SRSF10: variants seen among roughly 807,000 people sequenced by gnomAD.
The protein encoded by SRSF10 is serine/arginine-rich splicing factor 10.
A neutral mutation model predicts 32.6 loss-of-function variants in SRSF10; 9 were observed. The ratio of observed to expected loss-of-function variants is 0.28; its 90% confidence interval spans 0.17 to 0.48. SRSF10 has a LOEUF of 0.48. Ranked by LOEUF, SRSF10 falls within the 20% of genes least tolerant of loss-of-function variation. The probability of loss-of-function intolerance (pLI) is 0.99; values close to 1 mark genes in which losing one functional copy is unlikely to be tolerated. For missense variants in SRSF10, 201 were observed against 331.8 expected, an observed-to-expected ratio of 0.61 and a Z score of 3.06; for synonymous variants, 105 against 112.4, an observed-to-expected ratio of 0.93 and a Z score of 0.42.
chr1:23,979,226 T>C (rs558803175), intron 1 of SRSF10, among the ~76,000 whole-genome samples: 60 of 152,270 alleles, frequency 3.9e-4, no homozygotes, highest in African/African-American at 1.4e-3. Flanking sequence ...TAGTTAAGTG[T>C]CAAGATGACG....
At chr1:23,972,119 A>C in intron 3 of SRSF10, 107 bp from the exon 4 acceptor site, 2 of 984,714 alleles carry the variant, frequency 2.0e-6, no homozygotes, top group Non-Finnish European at 2.8e-6. Flanking sequence ...TCCCAAAGAG[A>C]GTATGTATGA....
At chr1:23,974,282 A>G (rs1641950143) in intron 3 of SRSF10, among the ~76,000 whole-genome samples, 8 of 152,126 alleles carry the variant, frequency 5.3e-5, no homozygotes, top group Non-Finnish European at 1.5e-5. Context: ...TAATCTCTTA[A>G]TTAGTATCTT....
Position 23,967,828 on chromosome 1 carries a change from T to C in SRSF10, c.*3314A>G, listed in dbSNP as rs1166499838. 1.9e-6 allele frequency: 3 copies of C among 1,566,526 alleles called. No homozygotes were observed. Among genetic ancestry groups the C allele is most frequent in the Non-Finnish European group, 1.7e-6 (2 of 1,152,436 alleles). On this transcript the variant is annotated 3_prime_UTR_variant, in exon 6 of 6. Coordinates refer to ENST00000492112, the MANE Select transcript of SRSF10 (RefSeq NM_054016.4). ...GGATGTAGCAGCTTACTGGGCCAAA[T>C]TTTCAAGAGAATAATACAATAGTTC...
intron 2 of SRSF10, 92 bp downstream of exon 2, chr1:23,978,621 A>G: frequency 6.9e-7 from 1 of 1,442,128 alleles, no homozygotes; most frequent in Non-Finnish European, 9.2e-7. Context: ...TTAGAGGACA[A>G]AAAGAACTAC....
At chr1:23,975,921 T>C (rs960372380) in intron 2 of SRSF10, 29 of 152,346 alleles carry the variant, frequency 1.9e-4, no homozygotes, top group African/African-American at 6.7e-4. Context: ...CTACTGGTAC[T>C]TGTTTTTGAT....
intron 2 of SRSF10, 140 bp downstream of exon 2, chr1:23,978,573 T>G (rs1642223230): frequency 9.1e-7 from 1 of 1,101,926 alleles, no homozygotes; most frequent in Non-Finnish European, 1.2e-6. Context: ...AATGTGTGAG[T>G]CAGAATTAAT....
Position 23,971,181 on chromosome 1 carries a change from T to C in SRSF10, c.750A>G (p.Arg250=). The change falls in exon 6 of 6, where the codon AGA becomes AGG. Residue 250 remains arginine, a synonymous_variant. Transcript: ENST00000492112. The part of the protein sequence containing the change: ...RSQSRSRSKS[R]SRSWTSPKSS... ...ACTTAGGACTAGTCCAAGACCTTGA[T>C]CTAGATTTTGACCTAGACCTAGACT... is the stretch of plus-strand genomic sequence containing the variant. 1.2e-6 allele frequency: 2 copies of C among 1,613,784 alleles called. No homozygotes were observed. Among genetic ancestry groups the C allele is most frequent in the East Asian group, 2.2e-5 (1 of 44,880 alleles).
In SRSF10 at chr1:23,964,738, A is replaced by T. The variant is rs935193834; in HGVS notation, c.*6404T>A. 14 of 152,116 alleles carry T rather than the reference A, an allele frequency of 9.2e-5. No individual in the cohort carries two copies. The highest frequency in any genetic ancestry group is 3.4e-3 in the Middle Eastern group (1 of 294). The allele number at this position is 152,116 out of a possible 1,614,324, so 9.4% of individuals were successfully genotyped here. ...AGTGCATCTCTAAAACCTCTTACAC[A>T]AATTAGGAAAAAGTTGTACCCAGGT... On this transcript the variant is annotated 3_prime_UTR_variant, in exon 6 of 6. Coordinates refer to ENST00000492112, the MANE Select transcript of SRSF10 (RefSeq NM_054016.4).
Position 23,965,615 on chromosome 1 carries a change from G to GT in SRSF10, c.*5526dup, listed in dbSNP as rs1160934603. 6.6e-6 allele frequency: 1 copy of GT among 151,952 alleles called. No homozygotes were observed. The highest frequency in any genetic ancestry group is 1.5e-5 in the Non-Finnish European group (1 of 67,846). The allele number at this position is 151,952 out of a possible 1,614,324, so 9.4% of individuals were successfully genotyped here. On this transcript the variant is annotated 3_prime_UTR_variant, in exon 6 of 6. Transcript: ENST00000492112. Reference sequence around the variant, plus strand: ...TTTGAAAAGCACATGGTTCGGCACAGTAAGTGCTCAATAATATTGACAGCA... The same window carrying GT: ...TTTGAAAAGCACATGGTTCGGCACAGTTAAGTGCTCAATAATATTGACAGCA...
Position 23,969,323 on chromosome 1 carries a change from T to C in SRSF10, c.*1819A>G. 1 of 985,180 alleles carries C rather than the reference T, an allele frequency of 1.0e-6. No homozygotes were observed. The highest frequency in any genetic ancestry group is 1.2e-6 in the Non-Finnish European group (1 of 829,310). The allele number at this position is 985,180 out of a possible 1,614,324, so 61.0% of individuals were successfully genotyped here. On this transcript the variant is annotated 3_prime_UTR_variant, in exon 6 of 6. Transcript: ENST00000492112. The stretch of plus-strand genomic sequence containing the variant: ...GCTACAGTTTTAAATAGACTTTTTG[T>C]TGTTTAAACTATACATCCAGGAAAA...
chr1:23,971,533 T>TA (rs1641751857), intron 5 of SRSF10, 40 bp downstream of exon 5: 2 of 1,596,836 alleles, frequency 1.3e-6, no homozygotes, highest in African/African-American at 1.4e-5. Flanking sequence ...ACTCTGAAAT[T>TA]AAAAAATACA....
chr1:23,972,431 C>CT (rs202083801), intron 3 of SRSF10, among the ~76,000 whole-genome samples: 75,872 of 148,012 alleles, frequency 0.51, 19,728 homozygotes, highest in East Asian at 0.56. Context: ...GTTTTGGTGT[C>CT]TTTTTTTTTT....
rs2148494707 is a variant in SRSF10 at position 23,968,314 on chromosome 1, T to C, written c.*2828A>G. On this transcript the variant is annotated 3_prime_UTR_variant, in exon 6 of 6. Coordinates refer to ENST00000492112, the MANE Select transcript of SRSF10 (RefSeq NM_054016.4). ...ATAAAAATGAAATTAGGCCTTCTAG[T>C]TCTATACAGAAAATGAACAATTTCA... is the stretch of plus-strand genomic sequence containing the variant. 6.6e-6 allele frequency among the ~76,000 whole-genome samples: 1 copy of C among 152,222 alleles called. No individual in the cohort carries two copies. The highest frequency in any genetic ancestry group is 2.1e-4 in the South Asian group (1 of 4,824).
chr1:23,978,638 G>A, intron 2 of SRSF10, 75 bp downstream of exon 2: 1 of 1,513,252 alleles, frequency 6.6e-7, no homozygotes, highest in South Asian at 1.3e-5. Context: ...CTACTTTTTA[G>A]ATGTTACCAC....
intron 3 of SRSF10, among the ~76,000 whole-genome samples, chr1:23,973,509 T>TG (rs1221131195): frequency 9.9e-5 from 15 of 152,166 alleles, no homozygotes; most frequent in African/African-American, 2.6e-4. Flanking sequence ...TTTGTGGAGA[T>TG]GGGGTCTCAC....
At position 23,967,335 on chromosome 1, in the gene SRSF10, G is replaced by C. The variant is rs1641501587; in HGVS notation, c.*3807C>G. The stretch of plus-strand genomic sequence containing the variant: ...TTCAGTTTGAGACAGACCAACAGAG[G>C]CACTGTAAGAGACTATGGCTGTCTT... On this transcript the variant is annotated 3_prime_UTR_variant, in exon 6 of 6. Transcript: ENST00000492112. 4.6e-6 allele frequency: 1 copy of C among 219,714 alleles called. No homozygotes were observed. The highest frequency in any genetic ancestry group is 8.9e-6 in the Non-Finnish European group (1 of 111,744). The allele number at this position is 219,714 out of a possible 1,614,324, so 13.6% of individuals were successfully genotyped here.
Position 23,968,068 on chromosome 1 carries a change from C to A in SRSF10, c.*3074G>T. On this transcript the variant is annotated 3_prime_UTR_variant, in exon 6 of 6. Coordinates refer to ENST00000492112, the MANE Select transcript of SRSF10 (RefSeq NM_054016.4). ...CATTCTATTTATCATTGAGCCCAGT[C>A]ATACACAGTAGGTAAACTCAGTAAG... 1 of 1,502,108 alleles carries A rather than the reference C, an allele frequency of 6.7e-7. No individual in the cohort carries two copies. Among genetic ancestry groups the A allele is most frequent in the Non-Finnish European group, 8.8e-7 (1 of 1,131,930 alleles). 93.0% of individuals were successfully genotyped at this position (1,502,108 alleles called of 1,614,324 possible).
Position 23,969,059 on chromosome 1 carries a change from A to G in SRSF10, c.*2083T>C. On this transcript the variant is annotated 3_prime_UTR_variant, in exon 6 of 6. Transcript: ENST00000492112. Reference sequence around the variant, plus strand: ...ATTTTAGAATCATATTCAATACTGTAATAATTCCAGTTAATCATTATTTCC... The same window carrying G: ...ATTTTAGAATCATATTCAATACTGTGATAATTCCAGTTAATCATTATTTCC... The G allele has an allele frequency of 1.1e-6, 1 of 900,024 alleles. No individual in the cohort carries two copies. Among genetic ancestry groups the G allele is most frequent in the Non-Finnish European group, 1.3e-6 (1 of 751,522 alleles). The allele number at this position is 900,024 out of a possible 1,614,324, so 55.8% of individuals were successfully genotyped here.
chr1:23,980,323 G>A lies in SRSF10; in HGVS notation c.-68C>T. The stretch of plus-strand genomic sequence containing the variant: ...AACCGTCCGCGGCTCAGGCGGCCGA[G>A]CCTCAGACACACACAGCTAGAGGGC... On this transcript the variant is annotated 5_prime_UTR_variant, in exon 1 of 6. Transcript: ENST00000492112. 2.2e-6 allele frequency: 3 copies of A among 1,359,504 alleles called. No homozygotes were observed. The highest frequency in any genetic ancestry group is 2.9e-6 in the Non-Finnish European group (3 of 1,043,138). The allele number at this position is 1,359,504 out of a possible 1,614,324, so 84.2% of individuals were successfully genotyped here. A position where few individuals can be genotyped will look rare whatever the true frequency, so the allele number is the denominator to read the frequency against.
Sources: allele counts gnomAD v4.1 joint callset (sites outside exome capture counted in the v4.1 genomes callset), GRCh38; gene constraint gnomAD v4.1.1; transcripts MANE v1.5; gene names NCBI Gene and HGNC (gene_info 2026-07-23, HGNC 2026-07-21).